THSD4: variants seen among roughly 807,000 people sequenced by gnomAD.
The protein encoded by THSD4 is thrombospondin type 1 domain containing 4.
In THSD4, 69 loss-of-function variants were observed where a neutral mutation model predicts 119.0. The ratio of observed to expected loss-of-function variants is 0.58; its 90% CI spans 0.48 to 0.71. The LOEUF (loss-of-function observed/expected upper bound fraction) is 0.71. Among genes scored for constraint, THSD4 ranks in the 30% least tolerant of loss-of-function variants. The pLI is 0.00. For synonymous variants in THSD4, 524 were observed against 540.4 expected, an observed-to-expected ratio of 0.97 and a Z score of 0.42; for missense variants, 1,393 against 1,391.1, an observed-to-expected ratio of 1.00 and a Z score of -0.02.
At chr15:71,756,909 C>G (rs1330256754) in intron 14 of THSD4, among the ~76,000 whole-genome samples, 1 of 152,108 alleles carries the variant, frequency 6.6e-6, no homozygotes, top group Non-Finnish European at 1.5e-5. Context: ...TCACTGTATC[C>G]TAGGAGAGGA....
intron 7 of THSD4, among the ~76,000 whole-genome samples, chr15:71,578,310 G>C (rs1365461819): frequency 6.6e-6 from 1 of 151,998 alleles, no homozygotes; most frequent in East Asian, 1.9e-4. Flanking sequence ...ACATCTGGCT[G>C]AGTGCCCTTC....
Position 71,421,176 on chromosome 15 carries a change from A to AAAG in THSD4, c.1152+9355_1152+9356insGAA, listed in dbSNP as rs1406139577. Among the ~76,000 whole-genome samples the AAAG allele has an allele frequency of 4.1e-5, 4 of 97,560 alleles. 2 individuals carry two copies. Among genetic ancestry groups the AAAG allele is most frequent in the African/African-American group, 1.4e-4 (4 of 28,846 alleles). The allele number at this position is 97,560 out of a possible 152,430, so 64.0% of individuals were successfully genotyped here. On this transcript the variant is annotated intron_variant, in intron 7 of 17. Transcript: ENST00000261862. The stretch of plus-strand genomic sequence containing the variant: ...TCCGTCTCAAAAAAAAAAAAAAAAA[A>AAAG]AAAAAAAAAAAAGGAGTAGTTTACA...
intron 6 of THSD4, among the ~76,000 whole-genome samples, chr15:71,362,640 A>G (rs1402356609): frequency 6.6e-6 from 1 of 152,198 alleles, no homozygotes; most frequent in Non-Finnish European, 1.5e-5. Flanking sequence ...TTCTTGAACT[A>G]TTTTGCAATA....
At chr15:71,753,863 C>T (rs2053491586) in intron 14 of THSD4, among the ~76,000 whole-genome samples, 1 of 152,196 alleles carries the variant, frequency 6.6e-6, no homozygotes, top group Non-Finnish European at 1.5e-5. Context: ...AGGCCTCATC[C>T]ATGTGATGTC....
intron 3 of THSD4, among the ~76,000 whole-genome samples, chr15:71,193,069 G>A (rs962829192): frequency 4.6e-5 from 7 of 152,182 alleles, no homozygotes; most frequent in South Asian, 4.1e-4. Context: ...ACAGGAATAC[G>A]AATGACTTCT....
chr15:71,432,527 T>C (rs2046956616), intron 7 of THSD4, among the ~76,000 whole-genome samples: 2 of 137,032 alleles, frequency 1.5e-5, no homozygotes, highest in Admixed American at 7.0e-5. Flanking sequence ...CTCCCTTCTT[T>C]TTTTTTTTTT....
intron 7 of THSD4, among the ~76,000 whole-genome samples, chr15:71,548,609 C>T (rs1382465681): frequency 6.6e-6 from 1 of 152,194 alleles, no homozygotes; most frequent in Non-Finnish European, 1.5e-5. Context: ...TACTCATGTC[C>T]TCTGCTCTGT....
At chr15:71,720,034 TTC>T (rs1567117686) in intron 8 of THSD4, among the ~76,000 whole-genome samples, 2 of 52,898 alleles carry the variant, frequency 3.8e-5, no homozygotes, top group African/African-American at 4.8e-5. Context: ...TTTTTTTTTT[TTC>T]TTTTTTTTTT....
intron 6 of THSD4, among the ~76,000 whole-genome samples, chr15:71,265,769 G>C (rs1042010242): frequency 6.6e-6 from 1 of 152,184 alleles, no homozygotes; most frequent in Non-Finnish European, 1.5e-5. Flanking sequence ...GCTTTGTGGG[G>C]GGGGAGGGGC....
intron 8 of THSD4, among the ~76,000 whole-genome samples, chr15:71,691,370 C>CT (rs1274850632): frequency 6.6e-6 from 1 of 152,198 alleles, no homozygotes; most frequent in Non-Finnish European, 1.5e-5. Context: ...ACTCACCTTC[C>CT]TTTATCATCA....
chr15:71,324,482 C>T lies in THSD4; in HGVS notation c.1015+67767C>T, dbSNP rs181728666. On this transcript the variant is annotated intron_variant, in intron 6 of 17. Coordinates refer to ENST00000261862, the MANE Select transcript of THSD4 (RefSeq NM_024817.3). The stretch of plus-strand genomic sequence containing the variant: ...CTCCCATCCTCCCCATTTTGAGTCT[C>T]CATAGTTGATTATATCACTCTGTAT... Among the ~76,000 whole-genome samples the T allele has an allele frequency of 2.6e-5, 4 of 152,184 alleles. No homozygotes were observed. The East Asian group carries it at 7.7e-4, about 29-fold the overall frequency.
intron 4 of THSD4, among the ~76,000 whole-genome samples, chr15:71,223,704 A>C (rs1393099747): frequency 6.6e-6 from 1 of 152,184 alleles, no homozygotes; most frequent in Non-Finnish European, 1.5e-5. Flanking sequence ...TCTGATGAGG[A>C]AACAGCTCAG....
At chr15:71,610,782 A>G (rs1478883779) in intron 7 of THSD4, among the ~76,000 whole-genome samples, 1 of 152,218 alleles carries the variant, frequency 6.6e-6, no homozygotes, top group Non-Finnish European at 1.5e-5. Flanking sequence ...ATGAAAGGTA[A>G]TGCTCTGATA....
chr15:71,254,530 C>G (rs2044292973), intron 5 of THSD4, among the ~76,000 whole-genome samples: 1 of 152,206 alleles, frequency 6.6e-6, no homozygotes, highest in African/African-American at 2.4e-5. Flanking sequence ...CTCTCATCCC[C>G]ACTCTTCTGC....
chr15:71,118,500 C>G (rs1163592451), intron 1 of THSD4, among the ~76,000 whole-genome samples: 1 of 152,180 alleles, frequency 6.6e-6, no homozygotes, highest in Non-Finnish European at 1.5e-5. Flanking sequence ...TCCCCAGCCA[C>G]TCTGAGGTTT....
At chr15:71,666,618 G>A (rs569338989) in intron 8 of THSD4, among the ~76,000 whole-genome samples, 37 of 152,104 alleles carry the variant, frequency 2.4e-4, no homozygotes, top group Admixed American at 1.3e-3. Context: ...AGCTTTAGAC[G>A]TACTAAAACT....
intron 7 of THSD4, among the ~76,000 whole-genome samples, chr15:71,447,118 G>GTTTTTT (rs1555414736): frequency 3.0e-4 from 23 of 76,056 alleles, no homozygotes; most frequent in Non-Finnish European, 4.4e-4. Context: ...CATTTTTTTT[G>GTTTTTT]TTTTTTTTTT....
intron 7 of THSD4, among the ~76,000 whole-genome samples, chr15:71,450,269 A>G (rs1262144644): frequency 6.6e-6 from 1 of 152,220 alleles, no homozygotes; most frequent in Non-Finnish European, 1.5e-5. Context: ...TTAGGCCTGG[A>G]AAAAAGTGGA....
intron 4 of THSD4, among the ~76,000 whole-genome samples, chr15:71,221,465 C>G (rs2043975511): frequency 1.3e-5 from 2 of 152,182 alleles, no homozygotes; most frequent in Admixed American, 1.3e-4. Context: ...CAGCCCTTAG[C>G]CAACCACCAT....
Sources: allele counts gnomAD v4.1 joint callset (sites outside exome capture counted in the v4.1 genomes callset), GRCh38; gene constraint gnomAD v4.1.1; transcripts MANE v1.5; gene names NCBI Gene and HGNC (gene_info 2026-07-23, HGNC 2026-07-21).